LRRC37A2: variants seen among roughly 807,000 people sequenced by gnomAD.
LRRC37A2 encodes the protein leucine rich repeat containing 37 member A2.
Under a neutral mutation model 68.8 loss-of-function variants are expected in LRRC37A2, and 9 were observed. That is an observed-to-expected ratio of 0.13 (90% confidence interval 0.08 to 0.23). LRRC37A2 has a LOEUF of 0.23. LRRC37A2 is among the 10% of genes least tolerant of loss of function. LRRC37A2 has a pLI of 1.00. For synonymous variants in LRRC37A2, 63 were observed against 367.6 expected (o/e 0.17, Z 9.48); for missense variants, 168 against 950.4 (o/e 0.18, Z 10.82).
At chr17:46,794,009 C>T in the LRRC37A2 span, among the ~76,000 whole-genome samples, 2 of 152,074 alleles carry the variant, frequency 1.3e-5, no homozygotes, top group African/African-American at 2.4e-5. Flanking sequence ...GAACTAGGCA[C>T]GACGGGGACA....
chr17:46,956,550 C>T, the LRRC37A2 span, among the ~76,000 whole-genome samples: 1 of 152,198 alleles, frequency 6.6e-6, no homozygotes, highest in Non-Finnish European at 1.5e-5. Flanking sequence ...GATCCACCCA[C>T]CTTGGCCTAC....
chr17:46,975,741 AAC>A, the LRRC37A2 span, among the ~76,000 whole-genome samples: 1 of 152,124 alleles, frequency 6.6e-6, no homozygotes, highest in Non-Finnish European at 1.5e-5. Context: ...AGGGGACCCA[AAC>A]ACACGTTAGT....
At chr17:46,752,275 T>G in the LRRC37A2 span, among the ~76,000 whole-genome samples, 2 of 152,114 alleles carry the variant, frequency 1.3e-5, no homozygotes, top group African/African-American at 4.8e-5. Context: ...CTTTCTTCAT[T>G]TTAGAACTCC....
chr17:46,910,350 G>T, the LRRC37A2 span, among the ~76,000 whole-genome samples: 1 of 152,040 alleles, frequency 6.6e-6, no homozygotes, highest in African/African-American at 2.4e-5. Context: ...AACAACCTCC[G>T]CTTCCACACT....
the LRRC37A2 span, among the ~76,000 whole-genome samples, chr17:46,961,239 A>G: frequency 6.6e-6 from 1 of 152,230 alleles, no homozygotes; most frequent in Non-Finnish European, 1.5e-5. Context: ...TTTTCAAACT[A>G]GTAGAGACTA....
Position 46,548,903 on chromosome 17 carries a change from C to T in LRRC37A2, c.3764C>T (p.Ala1255Val), listed in dbSNP as rs200096015. ...GTGCTGAAACCCTTCTCCAAGGGCGCGCCTTCTACCTCCAGCCCTGCAAAA... is the reference window on the plus strand; with the variant it reads ...GTGCTGAAACCCTTCTCCAAGGGCGTGCCTTCTACCTCCAGCCCTGCAAAA... The change falls in exon 10 of 15, where the codon GCG (alanine) becomes GTG (valine). Residue 1255 changes from alanine (A) to valine (V), a missense_variant. Transcript: ENST00000576629. 2.0e-4 allele frequency: 326 copies of T among 1,612,670 alleles called. 12 individuals carry two copies. The African/African-American group carries it at 3.6e-3, about 18-fold the overall frequency.
the LRRC37A2 span, among the ~76,000 whole-genome samples, chr17:46,737,589 GT>G: frequency 6.6e-6 from 1 of 151,850 alleles, no homozygotes; most frequent in Non-Finnish European, 1.5e-5. Context: ...GTGTGTGTGT[GT>G]GTGTGTGTGT....
the LRRC37A2 span, among the ~76,000 whole-genome samples, chr17:46,857,318 A>C: frequency 1.3e-5 from 2 of 151,882 alleles, no homozygotes; most frequent in Admixed American, 1.3e-4. Flanking sequence ...AAATTACAAG[A>C]ATCAGCTGGG....
chr17:46,714,347 T>C, the LRRC37A2 span, among the ~76,000 whole-genome samples: 1 of 152,208 alleles, frequency 6.6e-6, no homozygotes, highest in Non-Finnish European at 1.5e-5. Flanking sequence ...AAAGTTGAAC[T>C]CTTTGGGGTC....
intron 11 of LRRC37A2, among the ~76,000 whole-genome samples, chr17:46,551,237 G>A (rs2056781293): frequency 6.7e-6 from 1 of 149,094 alleles, no homozygotes; most frequent in Admixed American, 6.6e-5. Context: ...TCTGGGACAA[G>A]TCCTGTTTAC....
chr17:46,710,152 A>G, the LRRC37A2 span, among the ~76,000 whole-genome samples: 2 of 152,300 alleles, frequency 1.3e-5, no homozygotes, highest in East Asian at 3.9e-4. Flanking sequence ...TTCTCAAGAT[A>G]CATGATCTTT....
At chr17:46,761,832 G>C in the LRRC37A2 span, among the ~76,000 whole-genome samples, 1 of 152,234 alleles carries the variant, frequency 6.6e-6, no homozygotes, top group South Asian at 2.1e-4. Context: ...TCTCATTGTT[G>C]AGAAGGCATA....
the LRRC37A2 span, among the ~76,000 whole-genome samples, chr17:46,962,879 CAG>C: frequency 6.6e-6 from 1 of 152,208 alleles, no homozygotes; most frequent in Admixed American, 6.5e-5. Flanking sequence ...GAATCTCTTT[CAG>C]TGTGTGCTAG....
the LRRC37A2 span, among the ~76,000 whole-genome samples, chr17:46,464,355 T>TA: frequency 2.5e-5 from 1 of 39,988 alleles, no homozygotes; most frequent in Non-Finnish European, 7.8e-5. Flanking sequence ...AATAAAGAGA[T>TA]AAAAAACTAT....
chr17:46,780,763 C>A, the LRRC37A2 span, among the ~76,000 whole-genome samples: 1 of 151,960 alleles, frequency 6.6e-6, no homozygotes, highest in Non-Finnish European at 1.5e-5. Flanking sequence ...GGTGACAGAG[C>A]AAGACTCTGT....
At chr17:46,876,926 C>T in the LRRC37A2 span, 1 of 1,345,010 alleles carries the variant, frequency 7.4e-7, no homozygotes. Context: ...AAGCCTCCTC[C>T]CTTAACCCAA....
At chr17:46,820,998 G>C in the LRRC37A2 span, 2 of 152,224 alleles carry the variant, frequency 1.3e-5, no homozygotes, top group Non-Finnish European at 2.9e-5. Context: ...TGTGAGGTGG[G>C]AGCAAAAGAT....
At chr17:46,534,678 G>C (rs1163410237) in intron 6 of LRRC37A2, among the ~76,000 whole-genome samples, 1 of 149,800 alleles carries the variant, frequency 6.7e-6, no homozygotes, top group African/African-American at 2.5e-5. Flanking sequence ...AACCACCATC[G>C]TCATCATGGC....
the LRRC37A2 span, among the ~76,000 whole-genome samples, chr17:47,047,481 G>C: frequency 3.4e-5 from 5 of 145,068 alleles, no homozygotes; most frequent in African/African-American, 1.3e-4. Flanking sequence ...TGTTCCATAT[G>C]CACAAAGGAC....
Sources: gnomAD v4.1 joint callset for allele counts (sites outside exome capture counted in the v4.1 genomes callset) on GRCh38, gnomAD v4.1.1 for gene constraint, MANE v1.5 for transcripts, NCBI Gene and HGNC (gene_info 2026-07-23, HGNC 2026-07-21) for gene names.